The following CTNND2 variants were observed in gnomAD, a reference collection of about 807,000 sequenced individuals.
CTNND2 encodes the protein catenin delta-2.
A neutral mutation model predicts 144.4 loss-of-function variants in CTNND2; 22 were observed. The ratio of observed to expected loss-of-function variants is 0.15; its 90% CI spans 0.11 to 0.22. CTNND2 has a LOEUF of 0.22. Ranked by LOEUF, CTNND2 falls within the 10% of genes least tolerant of loss-of-function variation. The pLI is 1.00. For synonymous variants in CTNND2, 751 were observed against 695.6 expected (o/e 1.08, Z -1.25); for missense variants, 1,353 against 1,618.8 (o/e 0.84, Z 2.82).
intron 2 of CTNND2, among the ~76,000 whole-genome samples, chr5:11,690,336 A>G (rs72734939): frequency 1.3e-5 from 2 of 152,356 alleles, no homozygotes; most frequent in Non-Finnish European, 2.9e-5. Context: ...ACAAACAAGA[A>G]AGCATACTAT....
intron 21 of CTNND2, among the ~76,000 whole-genome samples, chr5:10,975,497 C>G (rs1281624932): frequency 3.3e-5 from 5 of 152,162 alleles, no homozygotes; most frequent in Admixed American, 2.0e-4. Context: ...AAACTCCCAC[C>G]TTATAGATGA....
intron 16 of CTNND2, among the ~76,000 whole-genome samples, chr5:11,038,256 C>T (rs1447961946): frequency 6.6e-6 from 1 of 152,128 alleles, no homozygotes; most frequent in African/African-American, 2.4e-5. Context: ...AACCAGGCCA[C>T]ACAGCAGGAG....
chr5:11,240,407 C>CCCAAAACACACACT, intron 9 of CTNND2, among the ~76,000 whole-genome samples: 1 of 95,802 alleles, frequency 1.0e-5, no homozygotes, highest in Non-Finnish European at 2.0e-5. Flanking sequence ...ACACACACAC[C>CCCAAAACACACACT]CACAACACAC....
chr5:11,394,791 T>G (rs1378293477), intron 6 of CTNND2, among the ~76,000 whole-genome samples: 1 of 152,260 alleles, frequency 6.6e-6, no homozygotes, highest in African/African-American at 2.4e-5. Flanking sequence ...ATAGAGATTT[T>G]TAAATACTGA....
chr5:10,981,966 TAGA>T, intron 20 of CTNND2, 120 bp from the exon 21 acceptor site: 1 of 740,584 alleles, frequency 1.4e-6, no homozygotes, highest in Admixed American at 2.4e-5. Flanking sequence ...CCATTCCAAG[TAGA>T]AGACATTCTT....
chr5:11,683,455 A>G (rs1784511033), intron 2 of CTNND2, among the ~76,000 whole-genome samples: 1 of 152,246 alleles, frequency 6.6e-6, no homozygotes, highest in Non-Finnish European at 1.5e-5. Context: ...TAGAATACTC[A>G]TGATCCAGTA....
At chr5:11,338,261 T>A (rs1021337709) in intron 9 of CTNND2, among the ~76,000 whole-genome samples, 1 of 152,128 alleles carries the variant, frequency 6.6e-6, no homozygotes, top group Admixed American at 6.5e-5. Flanking sequence ...TGCCCCCAAG[T>A]GATGTAGGGA....
intron 3 of CTNND2, among the ~76,000 whole-genome samples, chr5:11,496,165 C>T (rs975479630): frequency 6.6e-6 from 1 of 152,138 alleles, no homozygotes; most frequent in African/African-American, 2.4e-5. Flanking sequence ...AATACTCTGC[C>T]AAGGGTATTT....
At chr5:11,299,042 T>G (rs1749301650) in intron 9 of CTNND2, among the ~76,000 whole-genome samples, 1 of 152,186 alleles carries the variant, frequency 6.6e-6, no homozygotes, top group Non-Finnish European at 1.5e-5. Context: ...AAATGCTCAC[T>G]CTGGATATGA....
At chr5:10,979,226 A>G (rs979475653) in intron 21 of CTNND2, among the ~76,000 whole-genome samples, 1 of 152,246 alleles carries the variant, frequency 6.6e-6, no homozygotes, top group Non-Finnish European at 1.5e-5. Context: ...AAGAAGCATG[A>G]TTGATTTCCA....
At chr5:11,584,426 G>GC (rs1778672593) in intron 2 of CTNND2, among the ~76,000 whole-genome samples, 2 of 135,052 alleles carry the variant, frequency 1.5e-5, no homozygotes, top group African/African-American at 2.7e-5. Flanking sequence ...TATTTTTTTT[G>GC]GGGGGGGGGA....
chr5:11,523,768 G>T (rs936689387), intron 3 of CTNND2, among the ~76,000 whole-genome samples: 1 of 151,948 alleles, frequency 6.6e-6, no homozygotes, highest in Non-Finnish European at 1.5e-5. Context: ...TTCCCTTATC[G>T]AAACTCTGCC....
At chr5:11,524,173 T>G (rs1283707424) in intron 3 of CTNND2, among the ~76,000 whole-genome samples, 1 of 152,056 alleles carries the variant, frequency 6.6e-6, no homozygotes, top group African/African-American at 2.4e-5. Flanking sequence ...ACCCCACACT[T>G]GCCCCACCTG....
In CTNND2 at chr5:11,393,729, G is replaced by A. The variant is rs778606128; in HGVS notation, c.612+3302C>T. ...GGGATATGAAGGTAAGTCTTGCATC[G>A]TTCTCGCTCTTGCAGCAGGGCAATC... On this transcript the variant is annotated intron_variant, in intron 6 of 21. Coordinates refer to ENST00000304623, the MANE Select transcript of CTNND2 (RefSeq NM_001332.4). Among the ~76,000 whole-genome samples the A allele has an allele frequency of 5.3e-5, 8 of 152,116 alleles. No homozygotes were observed. The South Asian group carries it at 6.2e-4, about 12-fold the overall frequency.
At chr5:11,306,647 T>C (rs1750237218) in intron 9 of CTNND2, among the ~76,000 whole-genome samples, 2 of 152,266 alleles carry the variant, frequency 1.3e-5, no homozygotes, top group Non-Finnish European at 2.9e-5. Flanking sequence ...CCTTGGGGAC[T>C]GTTATGCAAG....
chr5:11,888,905 C>A (rs181486804), intron 1 of CTNND2, among the ~76,000 whole-genome samples: 2 of 152,196 alleles, frequency 1.3e-5, no homozygotes, highest in Non-Finnish European at 2.9e-5. Context: ...GCACGTACCA[C>A]CATGCCCAGC....
chr5:11,164,766 A>G (rs536743437), intron 11 of CTNND2, among the ~76,000 whole-genome samples: 5 of 152,336 alleles, frequency 3.3e-5, no homozygotes, highest in Admixed American at 3.3e-4. Context: ...GGATCAGTCT[A>G]GTCTACCTTC....
At chr5:11,606,408 A>G (rs747644051) in intron 2 of CTNND2, among the ~76,000 whole-genome samples, 3 of 152,190 alleles carry the variant, frequency 2.0e-5, no homozygotes, top group Non-Finnish European at 4.4e-5. Context: ...CTAACACAGC[A>G]GTGGAAAGTA....
intron 15 of CTNND2, among the ~76,000 whole-genome samples, chr5:11,088,003 T>A (rs1750357978): frequency 6.6e-6 from 1 of 152,216 alleles, no homozygotes; most frequent in African/African-American, 2.4e-5. Flanking sequence ...TCCCCAACTC[T>A]CAAGCTATCT....
Sources: allele counts gnomAD v4.1 joint callset (sites outside exome capture counted in the v4.1 genomes callset), GRCh38; gene constraint gnomAD v4.1.1; transcripts MANE v1.5; gene names NCBI Gene and HGNC (gene_info 2026-07-23, HGNC 2026-07-21).